CNTN6: variants seen among roughly 807,000 people sequenced by gnomAD.
CNTN6 encodes the protein contactin 6, also known as contactin-6.
CNTN6 carries 137 observed loss-of-function variants against 122.8 expected under a neutral mutation model. The ratio of observed to expected loss-of-function variants is 1.12; its 90% CI spans 0.97 to 1.29. CNTN6 has a LOEUF of 1.29. Ranked by LOEUF, CNTN6 falls within the 50% of genes most tolerant of loss-of-function variation. The probability of loss-of-function intolerance (pLI) is 0.00; values close to 1 mark genes in which losing one functional copy is unlikely to be tolerated. For synonymous variants in CNTN6, 570 were observed against 426.0 expected (o/e 1.34, Z -4.16); for missense variants, 1,634 against 1,223.4 (o/e 1.34, Z -5.01).
At chr3:1,372,511 A>C in intron 13 of CNTN6, 37 bp downstream of exon 13, 1 of 1,514,000 alleles carries the variant, frequency 6.6e-7, no homozygotes, top group Non-Finnish European at 8.9e-7. Flanking sequence ...TAATAAAATG[A>C]ATCAAGTCTT....
intron 17 of CNTN6, among the ~76,000 whole-genome samples, chr3:1,381,394 G>C (rs1485203507): frequency 6.6e-6 from 1 of 152,142 alleles, no homozygotes; most frequent in Non-Finnish European, 1.5e-5. Context: ...TTGTTAGACT[G>C]TTCCACATGG....
At chr3:1,204,283 G>C (rs566615238) in intron 2 of CNTN6, among the ~76,000 whole-genome samples, 1 of 152,290 alleles carries the variant, frequency 6.6e-6, no homozygotes, top group African/African-American at 2.4e-5. Context: ...TCTTTACTCT[G>C]AGACATTTTT....
chr3:1,278,623 C>G lies in CNTN6; in HGVS notation c.454+115C>G, dbSNP rs1389147307. The G allele has an allele frequency of 4.8e-6, 3 of 622,810 alleles. No individual in the cohort carries two copies. The African/African-American group carries it at 5.4e-5, about 11-fold the overall frequency. 38.6% of individuals were successfully genotyped at this position (622,810 alleles called of 1,614,324 possible). On this transcript the variant is annotated intron_variant, in intron 5 of 22. Transcript: ENST00000446702. ...TTATCAAATCAAAGAAATTGTGACT[C>G]TCGTCAAGTGCATCTACTGCATACA...
rs1484835274 is a variant in CNTN6 at position 1,403,743 on chromosome 3, G to C, written c.*325G>C. ...GATGCTGATGATGAATACAAACTTG[G>C]CTCCTAGTTACCATAACTCACATGT... On this transcript the variant is annotated 3_prime_UTR_variant, in exon 23 of 23. Coordinates refer to ENST00000446702, the MANE Select transcript of CNTN6 (RefSeq NM_001289080.2). The C allele has an allele frequency of 6.0e-6, 1 of 167,060 alleles. No homozygotes were observed. The highest frequency in any genetic ancestry group is 1.3e-5 in the Non-Finnish European group (1 of 78,570). The allele number at this position is 167,060 out of a possible 1,614,324, so 10.3% of individuals were successfully genotyped here.
chr3:1,187,215 A>C (rs189737418), intron 2 of CNTN6, among the ~76,000 whole-genome samples: 180 of 152,306 alleles, frequency 1.2e-3, no homozygotes, highest in Admixed American at 8.0e-3. Context: ...ACTCAAAAAA[A>C]ACTGCCTGAT....
At chr3:1,304,573 T>C (rs1289665715) in intron 7 of CNTN6, among the ~76,000 whole-genome samples, 21 of 152,188 alleles carry the variant, frequency 1.4e-4, no homozygotes. Context: ...GAAAAAGGCT[T>C]GAAAGAATTC....
At chr3:1,289,831 C>A (rs954349653) in intron 5 of CNTN6, among the ~76,000 whole-genome samples, 1 of 152,022 alleles carries the variant, frequency 6.6e-6, no homozygotes. Context: ...CCCAACACCA[C>A]GCCCAGCTAA....
At chr3:1,398,812 A>G (rs1363268955) in intron 20 of CNTN6, among the ~76,000 whole-genome samples, 1 of 152,096 alleles carries the variant, frequency 6.6e-6, no homozygotes, top group Non-Finnish European at 1.5e-5. Flanking sequence ...CCAGAGAGCA[A>G]GAGAAGTAAA....
chr3:1,139,462 T>A (rs1230752023), intron 1 of CNTN6, among the ~76,000 whole-genome samples: 1 of 152,156 alleles, frequency 6.6e-6, no homozygotes, highest in African/African-American at 2.4e-5. Context: ...CTGACCTTCT[T>A]GTACTCATCA....
chr3:1,292,857 T>C (rs1446671823), intron 5 of CNTN6, among the ~76,000 whole-genome samples: 3 of 152,130 alleles, frequency 2.0e-5, no homozygotes, highest in African/African-American at 7.2e-5. Flanking sequence ...AAAACCACTG[T>C]ATACATCTCC....
chr3:1,146,455 A>G (rs745990784), intron 1 of CNTN6, among the ~76,000 whole-genome samples: 15 of 152,058 alleles, frequency 9.9e-5, no homozygotes, highest in Non-Finnish European at 1.8e-4. Context: ...CCATGTACAC[A>G]CACTCTTTGC....
At chr3:1,349,929 T>A (rs1230065545) in intron 11 of CNTN6, among the ~76,000 whole-genome samples, 3 of 151,868 alleles carry the variant, frequency 2.0e-5, no homozygotes, top group African/African-American at 7.2e-5. Flanking sequence ...TCTTTGAATG[T>A]CTATATCCTA....
intron 8 of CNTN6, among the ~76,000 whole-genome samples, chr3:1,324,400 C>T (rs530352331): frequency 1.3e-5 from 2 of 149,674 alleles, no homozygotes; most frequent in Non-Finnish European, 2.9e-5. Context: ...CAGTTCAGCA[C>T]TGTGCGTTGT....
intron 13 of CNTN6, 117 bp downstream of exon 13, chr3:1,372,591 T>C: frequency 1.1e-6 from 1 of 911,224 alleles, no homozygotes; most frequent in Non-Finnish European, 1.6e-6. Context: ...CTGACTGTTT[T>C]TGAAGCTACA....
chr3:1,392,455 A>T (rs1576064901), intron 20 of CNTN6, among the ~76,000 whole-genome samples: 2 of 152,186 alleles, frequency 1.3e-5, no homozygotes, highest in South Asian at 4.1e-4. Context: ...TAAAAACCCT[A>T]AAAGAAAACC....
chr3:1,166,940 G>T (rs1467529157), intron 2 of CNTN6, among the ~76,000 whole-genome samples: 2 of 151,838 alleles, frequency 1.3e-5, no homozygotes, highest in African/African-American at 4.8e-5. Context: ...TGCTTGTGGG[G>T]CTTAAAACCT....
At chr3:1,280,735 G>T (rs9832247) in intron 5 of CNTN6, among the ~76,000 whole-genome samples, 2 of 151,880 alleles carry the variant, frequency 1.3e-5, no homozygotes, top group Non-Finnish European at 2.9e-5. Flanking sequence ...AAAGTGCTGG[G>T]ATTACAGGCA....
intron 5 of CNTN6, among the ~76,000 whole-genome samples, chr3:1,283,857 G>T (rs370202269): frequency 6.6e-6 from 1 of 152,054 alleles, no homozygotes; most frequent in Non-Finnish European, 1.5e-5. Context: ...AAAATTAGCC[G>T]GGTGTGGTGG....
intron 5 of CNTN6, among the ~76,000 whole-genome samples, chr3:1,279,156 C>G (rs1269473496): frequency 1.3e-5 from 2 of 152,162 alleles, no homozygotes; most frequent in Non-Finnish European, 2.9e-5. Flanking sequence ...TGGTAAAAAT[C>G]AAGCAATAAA....
Sources: gnomAD v4.1 joint callset for allele counts (sites outside exome capture counted in the v4.1 genomes callset) on GRCh38, gnomAD v4.1.1 for gene constraint, MANE v1.5 for transcripts, NCBI Gene and HGNC (gene_info 2026-07-23, HGNC 2026-07-21) for gene names.